Variants in D2HGDH observed in about 807,000 individuals in gnomAD.
D2HGDH encodes D-2-hydroxyglutarate dehydrogenase.
D2HGDH carries 31 observed loss-of-function variants against 46.9 expected under a neutral mutation model. The observed-to-expected ratio is 0.66, with a 90% CI of 0.50 to 0.89. The LOEUF (loss-of-function observed/expected upper bound fraction) is 0.89. Ranked by LOEUF, D2HGDH falls within the 40% of genes least tolerant of loss-of-function variation. D2HGDH has a pLI of 0.00. For synonymous variants in D2HGDH, 364 were observed against 332.6 expected (o/e 1.09, Z -1.03); for missense variants, 698 against 720.8 (o/e 0.97, Z 0.36).
At chr2:241,739,270 C>T (rs1423497906) in intron 2 of D2HGDH, among the ~76,000 whole-genome samples, 2 of 152,176 alleles carry the variant, frequency 1.3e-5, no homozygotes, top group Non-Finnish European at 2.9e-5. Context: ...GGGGGGTACT[C>T]ATGTTTGTGT....
At chr2:241,754,963 T>C (rs1697924131) in intron 8 of D2HGDH, 3 of 1,199,630 alleles carry the variant, frequency 2.5e-6, no homozygotes, top group Non-Finnish European at 3.2e-6. Flanking sequence ...GTGCTGGGCT[T>C]GAGCCCTGGG....
At chr2:241,758,598 G>T (rs953974218) in intron 9 of D2HGDH, among the ~76,000 whole-genome samples, 1 of 151,958 alleles carries the variant, frequency 6.6e-6, no homozygotes, top group Non-Finnish European at 1.5e-5. Flanking sequence ...ACACCAGCAG[G>T]CCTGGCTAAC....
In D2HGDH at chr2:241,742,314, G is replaced by A; in HGVS notation, c.351-121G>A. The A allele has an allele frequency of 2.2e-6, 3 of 1,346,264 alleles. No homozygotes were observed. Among genetic ancestry groups the A allele is most frequent in the Non-Finnish European group, 2.0e-6 (2 of 989,496 alleles). The allele number at this position is 1,346,264 out of a possible 1,614,324, so 83.4% of individuals were successfully genotyped here. On this transcript the variant is annotated intron_variant, in intron 3 of 9. Transcript: ENST00000321264. This position sits in a 1 kb window ranked among gnomAD's most constrained non-coding sequence, Gnocchi z 4.8. ...GGGCTGGGGAGGAGCCCCCGCTGAGGCTGCAGGCAGGGCAGGGTAATCAGG... is the reference window on the plus strand; with the variant it reads ...GGGCTGGGGAGGAGCCCCCGCTGAGACTGCAGGCAGGGCAGGGTAATCAGG...
At chr2:241,750,568 TG>T (rs1309675205) in intron 7 of D2HGDH, among the ~76,000 whole-genome samples, 1 of 152,236 alleles carries the variant, frequency 6.6e-6, no homozygotes, top group African/African-American at 2.4e-5. Context: ...AGGAACTAAG[TG>T]GCTATTTTTG....
At chr2:241,753,123 CG>C (rs1697555944) in intron 8 of D2HGDH, among the ~76,000 whole-genome samples, 1 of 152,180 alleles carries the variant, frequency 6.6e-6, no homozygotes, top group Admixed American at 6.5e-5. Context: ...CTTCCTGGGA[CG>C]GGTTCAGGAG....
chr2:241,753,797 T>C (rs1175425133), intron 8 of D2HGDH, among the ~76,000 whole-genome samples: 3 of 152,242 alleles, frequency 2.0e-5, no homozygotes, highest in African/African-American at 7.2e-5. Flanking sequence ...ATGCCTCCTG[T>C]GCCCTGTGCC....
chr2:241,750,344 C>A, intron 7 of D2HGDH, 50 bp downstream of exon 7: 1 of 1,348,772 alleles, frequency 7.4e-7, no homozygotes, highest in Non-Finnish European at 9.8e-7. Context: ...TCCTTCTGCA[C>A]GTCTGGACAC....
intron 2 of D2HGDH, among the ~76,000 whole-genome samples, chr2:241,737,981 G>A (rs190797156): frequency 3.0e-4 from 45 of 152,288 alleles, no homozygotes; most frequent in Middle Eastern, 6.8e-3. Flanking sequence ...TTTCCAGACC[G>A]TGTAATCTGG....
chr2:241,756,021 G>A lies in D2HGDH; in HGVS notation c.1306+7G>A, dbSNP rs537773004. On this transcript the variant is annotated splice_region_variant and intron_variant, in intron 9 of 9. Coordinates refer to ENST00000321264, the MANE Select transcript of D2HGDH (RefSeq NM_152783.5). ...GTGGGCTATGGCCACCTTGGTGAGC[G>A]GCGCCCCGGGGCCGCGGCCCTGTGT... The A allele has an allele frequency of 1.1e-4, 175 of 1,592,902 alleles. No individual in the cohort carries two copies. Among genetic ancestry groups the A allele is most frequent in the Non-Finnish European group, 1.4e-4 (160 of 1,165,356 alleles).
In D2HGDH at chr2:241,743,473, C is replaced by T. The variant is rs939919440; in HGVS notation, c.491-149C>T. Reference sequence around the variant, plus strand: ...CCAGATGTTTTCGTCCTTGGGCCAGCGATGTGGGGGTGCCTCTTCTCCTCA... The same window carrying T: ...CCAGATGTTTTCGTCCTTGGGCCAGTGATGTGGGGGTGCCTCTTCTCCTCA... On this transcript the variant is annotated intron_variant, in intron 4 of 9. Coordinates refer to ENST00000321264, the MANE Select transcript of D2HGDH (RefSeq NM_152783.5). The surrounding 1 kb of genome is among the most constrained non-coding windows in gnomAD (Gnocchi z 4.8). 4.2e-5 allele frequency: 34 copies of T among 806,938 alleles called. No homozygotes were observed. Among genetic ancestry groups the T allele is most frequent in the Middle Eastern group, 3.5e-4 (1 of 2,864 alleles). The allele number at this position is 806,938 out of a possible 1,614,324, so 50.0% of individuals were successfully genotyped here.
intron 9 of D2HGDH, among the ~76,000 whole-genome samples, chr2:241,760,891 C>T (rs1180922861): frequency 1.3e-5 from 2 of 152,258 alleles, no homozygotes; most frequent in South Asian, 2.1e-4. Flanking sequence ...CAGTGTCTGT[C>T]ATCTCCCTGT....
At chr2:241,759,772 G>A (rs1698570127) in intron 9 of D2HGDH, among the ~76,000 whole-genome samples, 1 of 152,090 alleles carries the variant, frequency 6.6e-6, no homozygotes, top group South Asian at 2.1e-4. Context: ...CTAACTGTTG[G>A]TGGTCGCCCT....
intron 2 of D2HGDH, among the ~76,000 whole-genome samples, chr2:241,735,790 G>A (rs545024206): frequency 5.3e-5 from 8 of 152,204 alleles, no homozygotes; most frequent in African/African-American, 1.9e-4. Context: ...CAGTCACGGA[G>A]TTTCACTCTG....
chr2:241,753,791 C>G (rs1575302552), intron 8 of D2HGDH, among the ~76,000 whole-genome samples: 1 of 152,366 alleles, frequency 6.6e-6, no homozygotes, highest in East Asian at 1.9e-4. Flanking sequence ...AGGGAGATGC[C>G]TCCTGTGCCC....
intron 2 of D2HGDH, chr2:241,735,800 G>A: frequency 2.1e-6 from 1 of 479,484 alleles, no homozygotes; most frequent in Non-Finnish European, 3.8e-6. Flanking sequence ...GTTTCACTCT[G>A]TCGCCAGGCC....
Position 241,744,874 on chromosome 2 carries a change from C to T in D2HGDH, c.850C>T (p.Leu284Phe). Residue 284 changes from leucine to phenylalanine, a missense_variant, in exon 6 of 10, where the codon CTC becomes TTC. Leu to Phe is a conservative substitution (Grantham distance 22). Coordinates refer to ENST00000321264, the MANE Select transcript of D2HGDH (RefSeq NM_152783.5). ...GCCCAGGGCTGTGAACGTGGCTTTCCTCGGTGGGCTTCCTCGATGTGTGCC... is the reference window on the plus strand; with the variant it reads ...GCCCAGGGCTGTGAACGTGGCTTTCTTCGGTGGGCTTCCTCGATGTGTGCC... ...PKPRAVNVAF[L>F]GCPGFAEVLQ... 1 of 1,614,044 alleles carries T rather than the reference C, an allele frequency of 6.2e-7. No homozygotes were observed. The highest frequency in any genetic ancestry group is 8.5e-7 in the Non-Finnish European group (1 of 1,179,950).
chr2:241,754,967 C>A, intron 8 of D2HGDH: 1 of 1,208,260 alleles, frequency 8.3e-7, no homozygotes, highest in South Asian at 1.5e-5. Context: ...TGGGCTTGAG[C>A]CCTGGGTAGG....
chr2:241,755,335 G>C (rs950425474), intron 8 of D2HGDH: 5 of 1,303,172 alleles, frequency 3.8e-6, no homozygotes, highest in Non-Finnish European at 5.1e-6. Flanking sequence ...GGGCCCTGCT[G>C]TTGTCCCCAC....
chr2:241,738,113 A>G (rs1288856325), intron 2 of D2HGDH, among the ~76,000 whole-genome samples: 1 of 152,210 alleles, frequency 6.6e-6, no homozygotes, highest in African/African-American at 2.4e-5. Context: ...TCGCTGGACC[A>G]ATGGTCACTG....
Sources: gnomAD v4.1 joint callset for allele counts (sites outside exome capture counted in the v4.1 genomes callset) on GRCh38, gnomAD v4.1.1 for gene constraint, Gnocchi (gnomAD v3.1) non-coding constraint, MANE v1.5 for transcripts, NCBI Gene and HGNC (gene_info 2026-07-23, HGNC 2026-07-21) for gene names.